Variants in TNKS1BP1 observed in about 807,000 individuals in gnomAD.
TNKS1BP1 encodes the protein 182 kDa tankyrase-1-binding protein.
A neutral mutation model predicts 141.1 loss-of-function variants in TNKS1BP1; 48 were observed. The ratio of observed to expected loss-of-function variants is 0.34; its 90% CI spans 0.27 to 0.43. The LOEUF is 0.43. Ranked by LOEUF, TNKS1BP1 falls within the 20% of genes least tolerant of loss-of-function variation. The pLI is 1.00. For missense variants in TNKS1BP1, 2,149 were observed against 2,226.0 expected (o/e 0.97, Z 0.70); for synonymous variants, 875 against 898.2 (o/e 0.97, Z 0.46).
At chr11:57,303,773 G>T (rs1002937996) in intron 6 of TNKS1BP1, among the ~76,000 whole-genome samples, 11 of 152,172 alleles carry the variant, frequency 7.2e-5, no homozygotes, top group Admixed American at 1.3e-4. Flanking sequence ...GCTGGACATG[G>T]GGTGCAGGGC....
chr11:57,312,033 CT>C (rs1284192777), intron 5 of TNKS1BP1, among the ~76,000 whole-genome samples: 1 of 152,214 alleles, frequency 6.6e-6, no homozygotes, highest in African/African-American at 2.4e-5. Flanking sequence ...GATGTGGAAA[CT>C]GAGGCAGAGG....
At chr11:57,300,419 C>G in intron 11 of TNKS1BP1, 109 bp downstream of exon 11, 2 of 1,014,330 alleles carry the variant, frequency 2.0e-6, no homozygotes, top group African/African-American at 3.2e-5. Flanking sequence ...TGTTTCTAAA[C>G]TTGCACAGAA....
At position 57,312,874 on chromosome 11, in the gene TNKS1BP1, A is replaced by AG; in HGVS notation, c.1813dup (p.Leu605ProfsTer24). The AG allele has an allele frequency of 6.2e-7, 1 of 1,607,678 alleles. No individual in the cohort carries two copies. Among genetic ancestry groups the AG allele is most frequent in the Non-Finnish European group, 8.5e-7 (1 of 1,176,290 alleles). On this transcript the variant is annotated frameshift_variant, in exon 5 of 12. Coordinates refer to ENST00000358252, the MANE Select transcript of TNKS1BP1 (RefSeq NM_033396.3). LOFTEE classifies it high-confidence loss of function. ...GGGCAAGGCTGCCTCCCTGGTAGCCAGGGGGAGAGGGGACTCCTGTCCAGC... is the reference window on the plus strand; with the variant it reads ...GGGCAAGGCTGCCTCCCTGGTAGCCAGGGGGGAGAGGGGACTCCTGTCCAGC...
chr11:57,319,397 T>C (rs1360219123), intron 3 of TNKS1BP1, among the ~76,000 whole-genome samples: 5 of 152,178 alleles, frequency 3.3e-5, no homozygotes, highest in Non-Finnish European at 7.4e-5. Context: ...ATCTCTACAA[T>C]GGATCTAATA....
rs1174423470 is a variant in TNKS1BP1, at chr11:57,309,325, T to G, written c.3386A>C (p.Asn1129Thr). ...ERSYQFGIIG[N>T]DRVSGAGFSP... ...AAAGCCAGCACCACTCACTCTGTCG[T>G]TGCCAATGATGCCAAACTGATAGCT... Residue 1129 changes from asparagine to threonine, a missense_variant, in exon 6 of 12, where the codon AAC becomes ACC. Coordinates refer to ENST00000358252, the MANE Select transcript of TNKS1BP1 (RefSeq NM_033396.3). This position sits in a 1 kb window ranked among gnomAD's most constrained non-coding sequence, Gnocchi z 4.3. 1.2e-6 allele frequency: 2 copies of G among 1,614,182 alleles called. No homozygotes were observed. The highest frequency in any genetic ancestry group is 3.3e-5 in the Admixed American group (2 of 60,038).
intron 6 of TNKS1BP1, among the ~76,000 whole-genome samples, chr11:57,304,872 C>CAAAAAA (rs35084894): frequency 1.4e-5 from 1 of 72,732 alleles, no homozygotes; most frequent in Non-Finnish European, 2.4e-5. Flanking sequence ...AACTCCGTCT[C>CAAAAAA]AAAAAAAAAA....
intron 9 of TNKS1BP1, 68 bp from the exon 10 acceptor site, chr11:57,301,109 C>A: frequency 6.8e-7 from 1 of 1,466,416 alleles, no homozygotes; most frequent in Admixed American, 2.2e-5. Context: ...GGGGGTAAGA[C>A]CTTATCTCAA....
chr11:57,309,598 C>T lies in TNKS1BP1; in HGVS notation c.3113G>A (p.Gly1038Glu). ...FSPSTAHVPD[G>E]ALGQRDQSSW... The stretch of plus-strand genomic sequence containing the variant: ...GCTCTGGTCTCTCTGCCCGAGTGCC[C>T]CATCCGGCACGTGGGCAGTGCTAGG... The change falls in exon 6 of 12, where the codon GGG (glycine) becomes GAG (glutamate). Residue 1038 changes from glycine to glutamate, a missense_variant. Transcript: ENST00000358252. The surrounding 1 kb of genome is among the most constrained non-coding windows in gnomAD (Gnocchi z 4.3). The T allele has an allele frequency of 1.2e-6, 2 of 1,613,850 alleles. No homozygotes were observed. Among genetic ancestry groups the T allele is most frequent in the Non-Finnish European group, 1.7e-6 (2 of 1,180,044 alleles).
rs776483916 is a variant in TNKS1BP1, at chr11:57,309,859, T to C, written c.2852A>G (p.Glu951Gly). ...GSRAAEPQEQ[E>G]FGKSAWIRDY... is the part of the protein sequence containing the mutation. ...CCTTATCCAAGCGCTCTTCCCAAAC[T>C]CCTGTTCCTGTGGCTCCGCAGCCCG... is the stretch of plus-strand genomic sequence containing the variant. Residue 951 changes from glutamate (E) to glycine (G), a missense_variant, in exon 6 of 12, where the codon GAG (glutamate) becomes GGG (glycine). Transcript: ENST00000358252. The surrounding 1 kb of genome is among the most constrained non-coding windows in gnomAD (Gnocchi z 4.3). 6.2e-7 allele frequency: 1 copy of C among 1,614,102 alleles called. No homozygotes were observed. The highest frequency in any genetic ancestry group is 1.1e-5 in the South Asian group (1 of 91,082).
intron 6 of TNKS1BP1, among the ~76,000 whole-genome samples, chr11:57,307,150 G>A (rs1855626007): frequency 6.6e-6 from 1 of 152,090 alleles, no homozygotes; most frequent in African/African-American, 2.4e-5. Flanking sequence ...CCCAGGAAGA[G>A]AAATCAGGAA....
chr11:57,306,339 C>T (rs1401730085), intron 6 of TNKS1BP1, among the ~76,000 whole-genome samples: 1 of 151,470 alleles, frequency 6.6e-6, no homozygotes, highest in African/African-American at 2.4e-5. Context: ...ATCAGAATTT[C>T]CCTGCTCAGA....
rs201241324 is a variant in TNKS1BP1 at position 57,302,616 on chromosome 11, G to A, written c.4526C>T (p.Pro1509Leu). The change falls in exon 7 of 12, where the codon CCG (proline) becomes CTG (leucine). Residue 1509 changes from proline to leucine, a missense_variant. Physicochemically the swap from Pro to Leu is moderately conservative, Grantham distance 98. Transcript: ENST00000358252. This position sits in a 1 kb window ranked among gnomAD's most constrained non-coding sequence, Gnocchi z 5.5. ...PGRDSPPSWR[P>L]QPDGEASQTE... ...CTGGCTGGCCTCACCATCAGGCTGCGGCCTCCAGGAGGGTGGAGAGTCCCT... is the reference window on the plus strand; with the variant it reads ...CTGGCTGGCCTCACCATCAGGCTGCAGCCTCCAGGAGGGTGGAGAGTCCCT... 5.3e-5 allele frequency: 86 copies of A among 1,612,318 alleles called. No homozygotes were observed. The highest frequency in any genetic ancestry group is 2.3e-4 in the South Asian group (21 of 90,914).
chr11:57,303,716 T>C (rs1303322431), intron 6 of TNKS1BP1, among the ~76,000 whole-genome samples: 3 of 152,194 alleles, frequency 2.0e-5, no homozygotes, highest in East Asian at 1.9e-4. Context: ...TGGACCTCCA[T>C]GCAGCATATG....
rs775394789 is a variant in TNKS1BP1 at position 57,320,706 on chromosome 11, G to C, written c.101C>G (p.Thr34Ser). Residue 34 changes from threonine to serine, a missense_variant, in exon 3 of 12, where the codon ACT (threonine) becomes AGT (serine). Thr to Ser is a moderately conservative substitution (Grantham distance 58). Coordinates refer to ENST00000358252, the MANE Select transcript of TNKS1BP1 (RefSeq NM_033396.3). Reference protein sequence around the residue: ...LVPTGSEPGDTRAKPPVKPKP... With the variant: ...LVPTGSEPGDSRAKPPVKPKP... ...GGGCTTGACAGGGGGTTTGGCCCGA[G>C]TGTCACCTACCAAAAGGAAAGGGTT... 2 of 1,577,814 alleles carry C rather than the reference G, an allele frequency of 1.3e-6. No individual in the cohort carries two copies. The highest frequency in any genetic ancestry group is 1.7e-6 in the Non-Finnish European group (2 of 1,161,278).
At position 57,302,791 on chromosome 11, in the gene TNKS1BP1, C is replaced by T. The variant is rs189301745; in HGVS notation, c.4351G>A (p.Gly1451Ser). Residue 1451 changes from glycine to serine, a missense_variant, in exon 7 of 12, where the codon GGC (glycine) becomes AGC (serine). Gly to Ser is a moderately conservative substitution (Grantham distance 56). Transcript: ENST00000358252. The surrounding 1 kb of genome is among the most constrained non-coding windows in gnomAD (Gnocchi z 5.5). ...GRCPARPPPSGSQGLLEEMLA... is the reference protein window; with the variant it reads ...GRCPARPPPSSSQGLLEEMLA... ...ATCTCCTCCAGCAGGCCCTGGGAGC[C>T]GGAGGGTGGGGGGCGGGCCGGGCAC... 3,466 of 1,548,354 alleles carry T rather than the reference C, an allele frequency of 2.2e-3. 68 individuals are homozygous for T. The African/African-American group carries it at 0.041, about 18-fold the overall frequency.
At chr11:57,311,638 C>T (rs1281694599) in intron 5 of TNKS1BP1, among the ~76,000 whole-genome samples, 1 of 152,142 alleles carries the variant, frequency 6.6e-6, no homozygotes, top group Non-Finnish European at 1.5e-5. Context: ...CCCCCAGAGG[C>T]CCCCTGGCTC....
chr11:57,313,720 G>T lies in TNKS1BP1; in HGVS notation c.968C>A (p.Pro323His). ...GCAGGGAGAAGCCTGGGAAGCTTCAGGAGTCTGGGCTTCCAGAAGCTGTGA... is the reference window on the plus strand; with the variant it reads ...GCAGGGAGAAGCCTGGGAAGCTTCATGAGTCTGGGCTTCCAGAAGCTGTGA... ...CHSQLLEAQT[P>H]EASQASPCPA... Residue 323 changes from proline (P) to histidine (H), a missense_variant, in exon 5 of 12, where the codon CCT (proline) becomes CAT (histidine). Pro to His is a moderately conservative substitution (Grantham distance 77). Coordinates refer to ENST00000358252, the MANE Select transcript of TNKS1BP1 (RefSeq NM_033396.3). 6.3e-7 allele frequency: 1 copy of T among 1,593,582 alleles called. No individual in the cohort carries two copies. Among genetic ancestry groups the T allele is most frequent in the Non-Finnish European group, 8.5e-7 (1 of 1,170,382 alleles).
intron 11 of TNKS1BP1, 34 bp downstream of exon 11, chr11:57,300,494 C>T (rs191220774): frequency 2.5e-6 from 4 of 1,609,496 alleles, no homozygotes; most frequent in Non-Finnish European, 3.4e-6. Flanking sequence ...AGGCCCTCCT[C>T]AGACTGGATC....
chr11:57,310,594 A>G, intron 5 of TNKS1BP1, 38 bp from the exon 6 acceptor site: 3 of 1,572,184 alleles, frequency 1.9e-6, no homozygotes, highest in Non-Finnish European at 2.6e-6. Flanking sequence ...AGAAACAACG[A>G]TTAGATTCCA....
Sources: allele counts gnomAD v4.1 joint callset (sites outside exome capture counted in the v4.1 genomes callset), GRCh38; gene constraint gnomAD v4.1.1; non-coding constraint Gnocchi (gnomAD v3.1); transcripts MANE v1.5; gene names NCBI Gene and HGNC (gene_info 2026-07-23, HGNC 2026-07-21).